LIN7A: variants seen among roughly 807,000 people sequenced by gnomAD.
The protein encoded by LIN7A is protein lin-7 homolog A.
A neutral mutation model predicts 29.8 loss-of-function variants in LIN7A; 25 were observed. The ratio of observed to expected loss-of-function variants is 0.84; its 90% confidence interval spans 0.61 to 1.17. The LOEUF is 1.17. Among genes scored for constraint, LIN7A ranks in the 50% most tolerant of loss-of-function variants. The pLI is 0.00. For missense variants in LIN7A, 239 were observed against 287.0 expected (o/e 0.83, Z 1.21); for synonymous variants, 118 against 107.5 (o/e 1.10, Z -0.60).
chr12:80,890,269 T>A (rs1282254047), intron 1 of LIN7A, among the ~76,000 whole-genome samples: 3 of 152,154 alleles, frequency 2.0e-5, no homozygotes, highest in African/African-American at 7.2e-5. Flanking sequence ...TCTACCCTTG[T>A]CACTACAGTA....
chr12:80,829,961 T>G (rs1872266716), intron 4 of LIN7A, among the ~76,000 whole-genome samples: 1 of 152,246 alleles, frequency 6.6e-6, no homozygotes. Flanking sequence ...CTCTCGTGCT[T>G]AAAATAATTA....
intron 4 of LIN7A, among the ~76,000 whole-genome samples, chr12:80,832,892 C>T (rs1872435904): frequency 6.6e-6 from 1 of 151,968 alleles, no homozygotes; most frequent in African/African-American, 2.4e-5. Flanking sequence ...TTCAAAAGGT[C>T]TGGGGACATT....
At chr12:80,838,750 A>G (rs1307830050) in intron 4 of LIN7A, among the ~76,000 whole-genome samples, 21 of 152,192 alleles carry the variant, frequency 1.4e-4, no homozygotes, top group Non-Finnish European at 1.5e-5. Flanking sequence ...GAGGTCTCTT[A>G]GCTGGAATTA....
At chr12:80,813,269 C>T (rs1324405577) in intron 4 of LIN7A, among the ~76,000 whole-genome samples, 1 of 152,126 alleles carries the variant, frequency 6.6e-6, no homozygotes, top group East Asian at 1.9e-4. Flanking sequence ...CCTCGGCCTC[C>T]CAAAGTGCTG....
At chr12:80,838,423 C>T (rs1872675492) in intron 4 of LIN7A, among the ~76,000 whole-genome samples, 1 of 152,212 alleles carries the variant, frequency 6.6e-6, no homozygotes, top group Non-Finnish European at 1.5e-5. Flanking sequence ...TGTGAGCCAA[C>T]TCAGAATGAA....
At chr12:80,838,917 C>T (rs936479170) in intron 4 of LIN7A, among the ~76,000 whole-genome samples, 1 of 152,160 alleles carries the variant, frequency 6.6e-6, no homozygotes, top group Non-Finnish European at 1.5e-5. Context: ...TGCAAAGTGC[C>T]TGGTGCAAAC....
chr12:80,822,499 A>G (rs1871855876), intron 4 of LIN7A, among the ~76,000 whole-genome samples: 1 of 152,196 alleles, frequency 6.6e-6, no homozygotes, highest in Admixed American at 6.5e-5. Context: ...TGGAGGTTGC[A>G]GTGAGCCAAG....
chr12:80,936,210 G>A (rs1438281896), intron 1 of LIN7A, among the ~76,000 whole-genome samples: 1 of 152,026 alleles, frequency 6.6e-6, no homozygotes, highest in Non-Finnish European at 1.5e-5. Context: ...GGATTTCTGA[G>A]GTCTTTAACT....
intron 4 of LIN7A, among the ~76,000 whole-genome samples, chr12:80,834,897 A>G (rs1463880498): frequency 1.3e-5 from 2 of 152,194 alleles, no homozygotes; most frequent in South Asian, 2.1e-4. Flanking sequence ...TAACATTCCA[A>G]CCTTGCTTTA....
chr12:80,844,648 T>C (rs1872974932), intron 4 of LIN7A, among the ~76,000 whole-genome samples: 1 of 152,166 alleles, frequency 6.6e-6, no homozygotes, highest in African/African-American at 2.4e-5. Flanking sequence ...ATTTCTGAAA[T>C]GTATGCTTTT....
At chr12:80,800,876 CCAA>C (rs1420099528) in intron 5 of LIN7A, among the ~76,000 whole-genome samples, 8 of 152,030 alleles carry the variant, frequency 5.3e-5, no homozygotes, top group Non-Finnish European at 1.0e-4. Flanking sequence ...CAAATCAAAT[CCAA>C]CAAGATTTAA....
rs71094991 is a variant in LIN7A, at chr12:80,807,063, G to GTTTTTTTTTTTTTTTTTTTTTT, written c.*4380_*4401dup. On this transcript the variant is annotated intron_variant, in intron 5 of 5. Coordinates refer to ENST00000552864, the MANE Select transcript of LIN7A (RefSeq NM_004664.4). ...CCATAGGAAATTTAATGAAGATGGA[G>GTTTTTTTTTTTTTTTTTTTTTT]TTTTTTTTTTTTTTTTTTTTTTTTT... Among the ~76,000 whole-genome samples the GTTTTTTTTTTTTTTTTTTTTTT allele has an allele frequency of 3.5e-4, 19 of 53,572 alleles. 2 individuals are homozygous for GTTTTTTTTTTTTTTTTTTTTTT. The highest frequency in any genetic ancestry group is 1.5e-3 in the African/African-American group (17 of 11,526). The allele number at this position is 53,572 out of a possible 152,430, so 35.1% of individuals were successfully genotyped here.
At chr12:80,798,469 A>T (rs1221105843) in intron 5 of LIN7A, among the ~76,000 whole-genome samples, 2 of 152,038 alleles carry the variant, frequency 1.3e-5, no homozygotes, top group African/African-American at 4.8e-5. Flanking sequence ...GATGTGCCCA[A>T]CCTCCCCTGG....
In LIN7A at chr12:80,937,868, CGCAACTGTTCCGCGGCG is replaced by C. The variant is rs1306418607; in HGVS notation, c.-163_-147del. The C allele has an allele frequency of 1.9e-6, 1 of 535,978 alleles. No individual in the cohort carries two copies. The highest frequency in any genetic ancestry group is 3.2e-6 in the Non-Finnish European group (1 of 316,010). The allele number at this position is 535,978 out of a possible 1,614,324, so 33.2% of individuals were successfully genotyped here. A position where few individuals can be genotyped will look rare whatever the true frequency, so the allele number is the denominator to read the frequency against. On this transcript the variant is annotated 5_prime_UTR_variant, in exon 1 of 6. Transcript: ENST00000552864. ...GGGTGGGTTGGTAGCCAGATGGAGA[CGCAACTGTTCCGCGGCG>C]GCAGATCTTCAGTTGCGGTGCGGAG... is the stretch of plus-strand genomic sequence containing the variant.
rs55772850 is a variant in LIN7A, at chr12:80,800,489, C to CAAAAAAAAAAAAA, written c.*1-2776_*1-2764dup. On this transcript the variant is annotated intron_variant, in intron 5 of 5. Coordinates refer to ENST00000552864, the MANE Select transcript of LIN7A (RefSeq NM_004664.4). ...GGGCAGCAAGAGTGAAACTCCGTCT[C>CAAAAAAAAAAAAA]AAAAAAAAAAAAAAAAAAAAAAAAA... Among the ~76,000 whole-genome samples the CAAAAAAAAAAAAA allele has an allele frequency of 2.1e-4, 8 of 38,078 alleles. 2 individuals are homozygous for CAAAAAAAAAAAAA. The highest frequency in any genetic ancestry group is 7.2e-4 in the African/African-American group (8 of 11,160). The allele number at this position is 38,078 out of a possible 152,430, so 25.0% of individuals were successfully genotyped here.
intron 4 of LIN7A, among the ~76,000 whole-genome samples, chr12:80,843,996 AC>A (rs1273580761): frequency 6.6e-6 from 1 of 151,556 alleles, no homozygotes; most frequent in Admixed American, 6.6e-5. Flanking sequence ...ATATATTCTT[AC>A]TTTACACAAT....
intron 2 of LIN7A, among the ~76,000 whole-genome samples, chr12:80,880,374 T>G (rs1565913250): frequency 6.6e-6 from 1 of 152,326 alleles, no homozygotes; most frequent in Non-Finnish European, 1.5e-5. Context: ...ATGAAATTTC[T>G]GACCCAAGTT....
At position 80,807,081 on chromosome 12, in the gene LIN7A, T is replaced by TTTTTTGTTTGTTTG. The variant is rs1565883904; in HGVS notation, c.*4383_*4384insCAAACAAACAAAAA. ...AGATGGAGTTTTTTTTTTTTTTTTT[T>TTTTTTGTTTGTTTG]TTTTTTTTTTGACGGAGTCTCGCTC... On this transcript the variant is annotated intron_variant, in intron 5 of 5. Coordinates refer to ENST00000552864, the MANE Select transcript of LIN7A (RefSeq NM_004664.4). Among the ~76,000 whole-genome samples, 19 of 135,630 alleles carry TTTTTTGTTTGTTTG rather than the reference T, an allele frequency of 1.4e-4. No homozygotes were observed. In the East Asian group the frequency reaches 1.7e-3, roughly 12 times the overall value. 89.0% of individuals were successfully genotyped at this position (135,630 alleles called of 152,430 possible). A position where few individuals can be genotyped will look rare whatever the true frequency, so the allele number is the denominator to read the frequency against.
At chr12:80,810,730 C>A (rs1362007476) in intron 5 of LIN7A, among the ~76,000 whole-genome samples, 4 of 152,178 alleles carry the variant, frequency 2.6e-5, no homozygotes, top group African/African-American at 9.7e-5. Flanking sequence ...GTTCCCTTTT[C>A]TTCACATCCT....
Sources: gnomAD v4.1 joint callset for allele counts (sites outside exome capture counted in the v4.1 genomes callset) on GRCh38, gnomAD v4.1.1 for gene constraint, MANE v1.5 for transcripts, NCBI Gene and HGNC (gene_info 2026-07-23, HGNC 2026-07-21) for gene names.